The following FSTL1 variants were observed in gnomAD, a reference collection of about 807,000 sequenced individuals.
FSTL1 encodes the protein follistatin like 1.
FSTL1 carries 24 observed loss-of-function variants against 45.9 expected under a neutral mutation model. The observed-to-expected ratio is 0.52, with a 90% CI of 0.38 to 0.74. The LOEUF is 0.74. FSTL1 is among the 30% of genes least tolerant of loss of function. The pLI is 0.00. For synonymous variants in FSTL1, 120 were observed against 137.6 expected, an observed-to-expected ratio of 0.87 and a Z score of 0.89; for missense variants, 340 against 381.8, an observed-to-expected ratio of 0.89 and a Z score of 0.91.
intron 2 of FSTL1, among the ~76,000 whole-genome samples, chr3:120,420,981 C>T (rs965722619): frequency 2.0e-5 from 3 of 152,170 alleles, no homozygotes; most frequent in African/African-American, 7.2e-5. Context: ...AAGATCTTTG[C>T]AAGCAAATGG....
chr3:120,416,102 T>C, intron 2 of FSTL1, 75 bp from the exon 3 acceptor site: 1 of 1,088,662 alleles, frequency 9.2e-7, no homozygotes, highest in South Asian at 1.2e-5. Flanking sequence ...AATGAGATTA[T>C]CTTTCAGGCT....
At chr3:120,415,821 T>C (rs1937177660) in intron 3 of FSTL1, 102 bp downstream of exon 3, 1 of 645,990 alleles carries the variant, frequency 1.5e-6, no homozygotes, top group Admixed American at 2.1e-5. Context: ...AATGCTTTTA[T>C]AAAGAGAATG....
chr3:120,444,604 G>A (rs1469631695), intron 2 of FSTL1, among the ~76,000 whole-genome samples: 1 of 149,338 alleles, frequency 6.7e-6, no homozygotes, highest in Non-Finnish European at 1.5e-5. Context: ...TCCTTTTTTC[G>A]AGAGGAATTT....
rs1403891965 is a variant in FSTL1, at chr3:120,393,971, G to A, written c.*2981C>T. ...CTTAGGCTTCCCAGCCTTCAGAACT[G>A]TGAGCAATACATTTCTGTTGCCTAT... On this transcript the variant is annotated 3_prime_UTR_variant, in exon 11 of 11. Transcript: ENST00000295633. 6.6e-6 allele frequency: 1 copy of A among 152,226 alleles called. No homozygotes were observed. The highest frequency in any genetic ancestry group is 1.5e-5 in the Non-Finnish European group (1 of 68,054). The allele number at this position is 152,226 out of a possible 1,614,324, so 9.4% of individuals were successfully genotyped here.
At chr3:120,403,193 C>G in intron 8 of FSTL1, 49 bp downstream of exon 8, 5 of 1,032,862 alleles carry the variant, frequency 4.8e-6, no homozygotes, top group Non-Finnish European at 7.7e-6. Context: ...TTGGCTCCTA[C>G]AAAATGCCTC....
chr3:120,421,607 G>A (rs1937280430), intron 2 of FSTL1: 1 of 152,318 alleles, frequency 6.6e-6, no homozygotes, highest in South Asian at 2.1e-4. Context: ...AAACCTTGCT[G>A]GAGTATCTCA....
chr3:120,443,489 G>C lies in FSTL1; in HGVS notation c.63+7195C>G, dbSNP rs1019120768. The stretch of plus-strand genomic sequence containing the variant: ...TATTAACTGTCATTGAAGGATAAGA[G>C]GAAAGACAGGGGAAAAGACAAATTT... On this transcript the variant is annotated intron_variant, in intron 2 of 10. Coordinates refer to ENST00000295633, the MANE Select transcript of FSTL1 (RefSeq NM_007085.5). Among the ~76,000 whole-genome samples, 2 of 149,916 alleles carry C rather than the reference G, an allele frequency of 1.3e-5. 1 individual carries two copies. The highest frequency in any genetic ancestry group is 5.1e-5 in the African/African-American group (2 of 39,272).
intron 2 of FSTL1, among the ~76,000 whole-genome samples, chr3:120,433,468 T>G (rs1332296432): frequency 6.6e-6 from 1 of 152,240 alleles, no homozygotes; most frequent in Non-Finnish European, 1.5e-5. Context: ...TTGGCCTTAT[T>G]AATCCATTTA....
At chr3:120,432,860 T>A (rs1628541) in intron 2 of FSTL1, among the ~76,000 whole-genome samples, 134,631 of 152,232 alleles carry the variant, frequency 0.88, 60,391 homozygotes, top group Non-Finnish European at 0.97. Flanking sequence ...CTCAATGCTG[T>A]CCACTGTGTT....
intron 5 of FSTL1, 108 bp from the exon 6 acceptor site, chr3:120,409,770 C>T (rs1937016451): frequency 2.1e-6 from 2 of 952,438 alleles, no homozygotes; most frequent in South Asian, 3.1e-5. Context: ...CATATGTCAT[C>T]CCAGCAACAC....
chr3:120,403,920 C>CAAAAAAAAAAAAAAAA (rs34145564), intron 7 of FSTL1, among the ~76,000 whole-genome samples: 30 of 52,096 alleles, frequency 5.8e-4, no homozygotes, highest in East Asian at 8.1e-4. Context: ...GACTCCGTCT[C>CAAAAAAAAAAAAAAAA]AAAAAAAAAA....
chr3:120,436,550 TC>T (rs1937563710), intron 2 of FSTL1, among the ~76,000 whole-genome samples: 1 of 152,234 alleles, frequency 6.6e-6, no homozygotes, highest in Admixed American at 6.5e-5. Context: ...AAAGTGAATG[TC>T]TTTCTCCTTA....
In FSTL1 at chr3:120,444,517, C is replaced by CT. The variant is rs376775683; in HGVS notation, c.63+6166dup. Among the ~76,000 whole-genome samples the CT allele has an allele frequency of 1.1e-3, 172 of 149,810 alleles. 18 individuals carry two copies. The highest frequency in any genetic ancestry group is 3.7e-3 in the African/African-American group (146 of 39,168). ...CCATTTACCACCCCACCTTTTTCTC[C>CT]TTAAGCAATCCCTGAAGTCCTGCCC... is the stretch of plus-strand genomic sequence containing the variant. On this transcript the variant is annotated intron_variant, in intron 2 of 10. Coordinates refer to ENST00000295633, the MANE Select transcript of FSTL1 (RefSeq NM_007085.5).
chr3:120,428,154 G>A (rs925008451), intron 2 of FSTL1, among the ~76,000 whole-genome samples: 9 of 152,092 alleles, frequency 5.9e-5, no homozygotes, highest in African/African-American at 2.2e-4. Context: ...AAATATTCTG[G>A]GGATCTCTAA....
At chr3:120,426,302 C>T (rs1024295560) in intron 2 of FSTL1, among the ~76,000 whole-genome samples, 2 of 152,198 alleles carry the variant, frequency 1.3e-5, no homozygotes, top group African/African-American at 2.4e-5. Flanking sequence ...GGGCCAACAT[C>T]CCTACACATT....
intron 2 of FSTL1, among the ~76,000 whole-genome samples, chr3:120,439,814 C>G (rs1178087619): frequency 2.0e-5 from 3 of 152,114 alleles, no homozygotes; most frequent in Admixed American, 6.5e-5. Flanking sequence ...AAAGAAATTG[C>G]CTTAAAACAT....
chr3:120,409,498 G>C (rs1176251183), intron 6 of FSTL1, 34 bp downstream of exon 6: 1 of 1,600,658 alleles, frequency 6.2e-7, no homozygotes, highest in East Asian at 2.2e-5. Flanking sequence ...CCTTTCTATG[G>C]GCCTGAATAG....
chr3:120,424,449 T>G (rs560241984), intron 2 of FSTL1, among the ~76,000 whole-genome samples: 2 of 152,230 alleles, frequency 1.3e-5, no homozygotes, highest in African/African-American at 4.8e-5. Flanking sequence ...TGGGACTTCA[T>G]AGAAGAGATG....
At chr3:120,431,574 G>A (rs909708997) in intron 2 of FSTL1, among the ~76,000 whole-genome samples, 2 of 151,988 alleles carry the variant, frequency 1.3e-5, no homozygotes, top group African/African-American at 4.8e-5. Flanking sequence ...TGTTATCCCA[G>A]CACTTTGGGA....
Sources: gnomAD v4.1 joint callset for allele counts (sites outside exome capture counted in the v4.1 genomes callset) on GRCh38, gnomAD v4.1.1 for gene constraint, MANE v1.5 for transcripts, NCBI Gene and HGNC (gene_info 2026-07-23, HGNC 2026-07-21) for gene names.